The following ZNF239 variants were observed in gnomAD, a reference collection of about 807,000 sequenced individuals.
ZNF239 encodes the protein zinc finger protein (C2H2) homologous to mouse MOK-2.
Under a neutral mutation model 27.5 loss-of-function variants are expected in ZNF239, and 16 were observed. That is an observed-to-expected ratio of 0.58 (90% CI 0.39 to 0.88). ZNF239 has a LOEUF of 0.88. Among genes scored for constraint, ZNF239 ranks in the 40% least tolerant of loss-of-function variants. ZNF239 has a pLI of 0.00. For synonymous variants in ZNF239, 199 were observed against 192.6 expected (o/e 1.03, Z -0.27); for missense variants, 527 against 551.9 (o/e 0.95, Z 0.45).
intron 3 of ZNF239, among the ~76,000 whole-genome samples, chr10:43,565,783 C>A (rs1385267372): frequency 3.0e-5 from 4 of 132,494 alleles, no homozygotes; most frequent in African/African-American, 1.2e-4. Flanking sequence ...CCACTGCACT[C>A]CAGCCTGGGT....
chr10:43,571,329 C>T (rs912055705), intron 2 of ZNF239, among the ~76,000 whole-genome samples: 3 of 150,080 alleles, frequency 2.0e-5, no homozygotes, highest in African/African-American at 7.4e-5. Context: ...TCATTCAACA[C>T]ATTACACTTG....
intron 3 of ZNF239, among the ~76,000 whole-genome samples, chr10:43,563,957 C>T (rs1328955348): frequency 6.6e-6 from 1 of 152,144 alleles, no homozygotes; most frequent in East Asian, 1.9e-4. Flanking sequence ...CCATGCCTGG[C>T]TAATTTTTTG....
intron 3 of ZNF239, among the ~76,000 whole-genome samples, chr10:43,567,020 G>C (rs1837702692): frequency 6.6e-6 from 1 of 152,224 alleles, no homozygotes; most frequent in East Asian, 1.9e-4. Flanking sequence ...CTTGAACCTG[G>C]GAGGTGGAGG....
Position 43,557,642 on chromosome 10 carries a change from A to G in ZNF239, c.438T>C (p.Ser146=). ...TGCAGTTACAGTCAATGGGATCCAA[A>G]GATTCTTTTAACTGGCCATTCTGGC... The part of the protein sequence containing the change: ...ATCQNGQLKE[S]LDPIDCNCKD... Residue 146 remains serine (S), a synonymous_variant, in exon 4 of 4, where the codon TCT becomes TCC. Coordinates refer to ENST00000374446, the MANE Select transcript of ZNF239 (RefSeq NM_001099282.2). 6.2e-7 allele frequency: 1 copy of G among 1,614,192 alleles called. No individual in the cohort carries two copies. Among genetic ancestry groups the G allele is most frequent in the Non-Finnish European group, 8.5e-7 (1 of 1,180,050 alleles).
chr10:43,557,899 CA>C lies in ZNF239; in HGVS notation c.180del (p.Ser60ArgfsTer7). On this transcript the variant is annotated frameshift_variant, in exon 4 of 4. Transcript: ENST00000374446. LOFTEE classifies it low-confidence loss of function (END_TRUNC). ...GAGACTTTCAAAGGCAAATATGTTT[CA>C]CTTTCAATGTTTTCGAAACAACCAC... is the stretch of plus-strand genomic sequence containing the variant. ...LQSGCFENIE[S>X]ETYLPLKVSS... 6.2e-7 allele frequency: 1 copy of C among 1,614,200 alleles called. No homozygotes were observed. Among genetic ancestry groups the C allele is most frequent in the Non-Finnish European group, 8.5e-7 (1 of 1,180,032 alleles).
At chr10:43,572,036 T>G (rs1838065581) in intron 2 of ZNF239, among the ~76,000 whole-genome samples, 2 of 152,190 alleles carry the variant, frequency 1.3e-5, no homozygotes, top group African/African-American at 4.8e-5. Flanking sequence ...GCGAAGTGAC[T>G]TACCCAATGT....
chr10:43,572,455 G>A lies in ZNF239; in HGVS notation c.-216+1182C>T, dbSNP rs1046934590. On this transcript the variant is annotated intron_variant, in intron 2 of 3. Transcript: ENST00000374446. ...CAAAAAGATGGCCTTTGCTGGTAGTGTTAAAAAACATTTTTTTTCCCTTAA... is the reference window on the plus strand; with the variant it reads ...CAAAAAGATGGCCTTTGCTGGTAGTATTAAAAAACATTTTTTTTCCCTTAA... Among the ~76,000 whole-genome samples, 4 of 152,200 alleles carry A rather than the reference G, an allele frequency of 2.6e-5. No individual in the cohort carries two copies. The East Asian group carries it at 7.7e-4, about 29-fold the overall frequency.
chr10:43,560,565 C>T (rs1837154393), intron 3 of ZNF239, among the ~76,000 whole-genome samples: 1 of 147,632 alleles, frequency 6.8e-6, no homozygotes. Flanking sequence ...AGTCCCCTTG[C>T]CCATGTATCC....
intron 3 of ZNF239, 141 bp from the exon 4 acceptor site, chr10:43,558,312 A>G (rs2132229087): frequency 1.3e-6 from 1 of 742,340 alleles, no homozygotes; most frequent in South Asian, 2.6e-5. Context: ...GGTTAAGGTC[A>G]GGTACATTTG....
chr10:43,569,776 A>G (rs1014480334), intron 2 of ZNF239, among the ~76,000 whole-genome samples: 1 of 152,122 alleles, frequency 6.6e-6, no homozygotes, highest in Admixed American at 6.5e-5. Context: ...AAATTCCCCA[A>G]GAATAGAGAG....
At chr10:43,571,353 C>T (rs1413925486) in intron 2 of ZNF239, among the ~76,000 whole-genome samples, 2 of 150,644 alleles carry the variant, frequency 1.3e-5, no homozygotes, top group East Asian at 1.9e-4. Flanking sequence ...CTAGCACAGT[C>T]CTTTCTATAG....
intron 3 of ZNF239, among the ~76,000 whole-genome samples, chr10:43,565,568 C>T (rs2132275773): frequency 6.6e-6 from 1 of 152,100 alleles, no homozygotes; most frequent in Middle Eastern, 3.4e-3. Flanking sequence ...ACCAAAGAGC[C>T]CTTTGAGATT....
intron 3 of ZNF239, among the ~76,000 whole-genome samples, chr10:43,561,590 C>G (rs898374241): frequency 3.9e-5 from 6 of 152,128 alleles, no homozygotes; most frequent in Non-Finnish European, 8.8e-5. Context: ...GATTCAATTA[C>G]TAAAACAATC....
intron 1 of ZNF239, among the ~76,000 whole-genome samples, chr10:43,574,210 G>A (rs1226896245): frequency 5.9e-5 from 9 of 152,222 alleles, no homozygotes; most frequent in Non-Finnish European, 1.2e-4. Context: ...GCGAGGAAAA[G>A]GCCGGCGTGG....
chr10:43,574,060 G>T (rs996600902), intron 1 of ZNF239, among the ~76,000 whole-genome samples: 3 of 152,230 alleles, frequency 2.0e-5, no homozygotes, highest in Non-Finnish European at 4.4e-5. Flanking sequence ...AGCCTGGCTC[G>T]TTCCTGCGGT....
intron 3 of ZNF239, among the ~76,000 whole-genome samples, chr10:43,559,501 C>A (rs1837064695): frequency 6.6e-6 from 1 of 152,050 alleles, no homozygotes; most frequent in South Asian, 2.1e-4. Context: ...ATAGGAAATG[C>A]AACAGGAAGA....
chr10:43,556,556 T>TGTGC lies in ZNF239; in HGVS notation c.*146_*147insGCAC. 1 of 1,061,216 alleles carries TGTGC rather than the reference T, an allele frequency of 9.4e-7. No individual in the cohort carries two copies. Among genetic ancestry groups the TGTGC allele is most frequent in the Non-Finnish European group, 1.3e-6 (1 of 758,330 alleles). The allele number at this position is 1,061,216 out of a possible 1,614,324, so 65.7% of individuals were successfully genotyped here. A position where few individuals can be genotyped will look rare whatever the true frequency, so the allele number is the denominator to read the frequency against. On this transcript the variant is annotated 3_prime_UTR_variant, in exon 4 of 4. Coordinates refer to ENST00000374446, the MANE Select transcript of ZNF239 (RefSeq NM_001099282.2). ...AACAAAGTGCTTGATACTTAAATAT[T>TGTGC]TTGAATGAGTGATTTTTCAGTGAGG...
intron 3 of ZNF239, chr10:43,564,203 G>A (rs1452858819): frequency 8.3e-6 from 6 of 724,460 alleles, no homozygotes; most frequent in South Asian, 1.2e-4. Flanking sequence ...GAGGCTCTCC[G>A]TAAGACACAT....
chr10:43,559,702 G>A (rs1180535149), intron 3 of ZNF239, among the ~76,000 whole-genome samples: 2 of 152,030 alleles, frequency 1.3e-5, no homozygotes, highest in African/African-American at 2.4e-5. Flanking sequence ...AACCCTCCCC[G>A]AGACTTAAAC....
Sources: allele counts gnomAD v4.1 joint callset (sites outside exome capture counted in the v4.1 genomes callset), GRCh38; gene constraint gnomAD v4.1.1; transcripts MANE v1.5; gene names NCBI Gene and HGNC (gene_info 2026-07-23, HGNC 2026-07-21).